COG5: variants seen among roughly 807,000 people sequenced by gnomAD.
The protein encoded by COG5 is component of oligomeric golgi complex 5.
In COG5, 86 loss-of-function variants were observed where a neutral mutation model predicts 110.4. That is an observed-to-expected ratio of 0.78 (90% CI 0.65 to 0.93). The LOEUF (loss-of-function observed/expected upper bound fraction) is 0.93. COG5 is among the 40% of genes least tolerant of loss of function. The probability of loss-of-function intolerance (pLI) is 0.00; values close to 1 mark genes in which losing one functional copy is unlikely to be tolerated. For synonymous variants in COG5, 360 were observed against 334.6 expected (o/e 1.08, Z -0.83); for missense variants, 1,077 against 987.0 (o/e 1.09, Z -1.22).
chr7:107,402,172 C>G (rs1791483384), intron 7 of COG5, among the ~76,000 whole-genome samples: 1 of 152,154 alleles, frequency 6.6e-6, no homozygotes, highest in Admixed American at 6.5e-5. Context: ...CTAAGGTTGT[C>G]ATGGTACTTT....
intron 7 of COG5, among the ~76,000 whole-genome samples, chr7:107,385,003 A>G (rs141982140): frequency 6.6e-6 from 1 of 152,358 alleles, no homozygotes; most frequent in African/African-American, 2.4e-5. Context: ...AAACCTCAGA[A>G]TGTGACCTTA....
At chr7:107,525,244 T>G (rs1313344952) in intron 6 of COG5, among the ~76,000 whole-genome samples, 5 of 152,066 alleles carry the variant, frequency 3.3e-5, no homozygotes, top group Non-Finnish European at 5.9e-5. Context: ...TTTTGTTTTT[T>G]TTTTTCGAAG....
intron 5 of COG5, among the ~76,000 whole-genome samples, chr7:107,536,735 C>T (rs1281406903): frequency 5.9e-5 from 9 of 152,184 alleles, no homozygotes; most frequent in Non-Finnish European, 1.0e-4. Context: ...CTACCATTGA[C>T]ATTCTTCACA....
chr7:107,563,719 A>G, intron 1 of COG5, 84 bp downstream of exon 1: 14 of 1,521,404 alleles, frequency 9.2e-6, no homozygotes, highest in Non-Finnish European at 1.3e-5. Flanking sequence ...TCTGCAAAGC[A>G]ACGGGTTGGG....
chr7:107,235,484 C>T (rs1431142191), intron 18 of COG5, among the ~76,000 whole-genome samples: 1 of 152,228 alleles, frequency 6.6e-6, no homozygotes, highest in East Asian at 1.9e-4. Flanking sequence ...GCGGGTGGAT[C>T]ACAAGGTCAG....
chr7:107,559,379 G>C (rs1033219896), intron 1 of COG5, among the ~76,000 whole-genome samples: 11 of 152,164 alleles, frequency 7.2e-5, no homozygotes, highest in African/African-American at 2.4e-4. Flanking sequence ...GTAGATACAA[G>C]TAAAGCTGCC....
At chr7:107,263,964 T>G (rs1803586848) in intron 14 of COG5, among the ~76,000 whole-genome samples, 1 of 152,180 alleles carries the variant, frequency 6.6e-6, no homozygotes. Context: ...CAACTTTAAG[T>G]TTCTATTAAG....
At chr7:107,355,241 G>A (rs868591784) in intron 10 of COG5, among the ~76,000 whole-genome samples, 5 of 152,078 alleles carry the variant, frequency 3.3e-5, no homozygotes. Flanking sequence ...TAGAATAGCC[G>A]ATCTCCAAAA....
rs144414014 is a variant in COG5 at position 107,414,003 on chromosome 7, C to T, written c.539-1371G>A. 3.7e-4 allele frequency among the ~76,000 whole-genome samples: 57 copies of T among 152,152 alleles called. No homozygotes were observed. In the Middle Eastern group the frequency reaches 0.02, roughly 54 times the overall value. On this transcript the variant is annotated intron_variant, in intron 6 of 21. Coordinates refer to ENST00000297135, the MANE Select transcript of COG5 (RefSeq NM_006348.5). The stretch of plus-strand genomic sequence containing the variant: ...GACCACAGTCTTTTCAGTAGATAAT[C>T]CCAGGCCTCAAAAGAATAGAGCTTA...
At position 107,210,391 on chromosome 7, in the gene COG5, C is replaced by T; in HGVS notation, c.2375+135G>A. ...GGTTGCTCCAGCACCCGTGCCTAGG[C>T]AGTGAGGTGGCCCGCCACTGGAAGG... On this transcript the variant is annotated intron_variant, in intron 21 of 21. Transcript: ENST00000297135. 8.1e-6 allele frequency: 12 copies of T among 1,473,512 alleles called. No homozygotes were observed. In the South Asian group the frequency reaches 1.6e-4, roughly 20 times the overall value. 91.3% of individuals were successfully genotyped at this position (1,473,512 alleles called of 1,614,324 possible).
At chr7:107,561,330 T>C (rs778149445) in intron 1 of COG5, among the ~76,000 whole-genome samples, 3 of 152,172 alleles carry the variant, frequency 2.0e-5, no homozygotes, top group Admixed American at 6.5e-5. Context: ...AAGTTTCTGC[T>C]GGAAATGCTT....
At chr7:107,218,848 G>GA (rs1799703306) in intron 19 of COG5, among the ~76,000 whole-genome samples, 2 of 151,858 alleles carry the variant, frequency 1.3e-5, no homozygotes. Flanking sequence ...GACAATAAAA[G>GA]AAAAAATAGA....
At chr7:107,403,203 A>G (rs964582103) in intron 7 of COG5, among the ~76,000 whole-genome samples, 7 of 152,204 alleles carry the variant, frequency 4.6e-5, no homozygotes, top group African/African-American at 1.7e-4. Context: ...GTTGCTTCAG[A>G]TAACAAAGGA....
At chr7:107,508,255 C>T (rs2520250) in intron 6 of COG5, among the ~76,000 whole-genome samples, 28,731 of 152,192 alleles carry the variant, frequency 0.19, 3,235 homozygotes, top group East Asian at 0.33. Flanking sequence ...CTCGGAGGGT[C>T]CTATGCCCAC....
rs1014933405 is a variant in COG5, at chr7:107,312,113, T to C, written c.1108+12327A>G. Among the ~76,000 whole-genome samples the C allele has an allele frequency of 5.9e-5, 9 of 152,192 alleles. No individual in the cohort carries two copies. The South Asian group carries it at 6.2e-4, about 10-fold the overall frequency. On this transcript the variant is annotated intron_variant, in intron 11 of 21. Transcript: ENST00000297135. ...AACCATCTTTTCATGTCCCTGTTTA[T>C]CATGTATAGATATTGTTGTTTGTTT...
At chr7:107,507,009 T>G (rs1344386921) in intron 6 of COG5, among the ~76,000 whole-genome samples, 1 of 152,228 alleles carries the variant, frequency 6.6e-6, no homozygotes, top group Non-Finnish European at 1.5e-5. Flanking sequence ...GCAAGGCTGC[T>G]CCCACTGCCG....
intron 14 of COG5, among the ~76,000 whole-genome samples, chr7:107,273,003 T>G (rs888914742): frequency 2.1e-5 from 3 of 140,172 alleles, no homozygotes; most frequent in African/African-American, 7.4e-5. Context: ...AAAGGAAGTC[T>G]TCTCCCTCAT....
intron 11 of COG5, among the ~76,000 whole-genome samples, chr7:107,307,406 T>C (rs1052726113): frequency 6.6e-6 from 1 of 152,188 alleles, no homozygotes; most frequent in African/African-American, 2.4e-5. Flanking sequence ...GAAAACACTG[T>C]TTTTATAGGT....
intron 5 of COG5, among the ~76,000 whole-genome samples, chr7:107,543,332 T>C (rs1381494419): frequency 1.3e-5 from 2 of 152,068 alleles, no homozygotes; most frequent in African/African-American, 4.8e-5. Flanking sequence ...CAGATGCTCG[T>C]TGAGGAGAGA....
Sources: allele counts gnomAD v4.1 joint callset (sites outside exome capture counted in the v4.1 genomes callset), GRCh38; gene constraint gnomAD v4.1.1; transcripts MANE v1.5; gene names NCBI Gene and HGNC (gene_info 2026-07-23, HGNC 2026-07-21).